MICAL2: variants seen among roughly 807,000 people sequenced by gnomAD.
MICAL2 encodes [F-actin]-monooxygenase MICAL2.
In MICAL2, 77 loss-of-function variants were observed where a neutral mutation model predicts 127.3. The observed-to-expected ratio is 0.60, with a 90% CI of 0.50 to 0.73. MICAL2 has a LOEUF of 0.73. Among genes scored for constraint, MICAL2 ranks in the 30% least tolerant of loss-of-function variants. The pLI is 0.00. For synonymous variants in MICAL2, 570 were observed against 551.1 expected, an observed-to-expected ratio of 1.03 and a Z score of -0.48; for missense variants, 1,351 against 1,434.4, an observed-to-expected ratio of 0.94 and a Z score of 0.94.
chr11:12,178,960 G>T (rs1255515935), intron 3 of MICAL2, among the ~76,000 whole-genome samples: 3 of 152,046 alleles, frequency 2.0e-5, no homozygotes, highest in African/African-American at 4.8e-5. Flanking sequence ...GTCCCACTTT[G>T]GTTCAGGGAC....
intron 29 of MICAL2, among the ~76,000 whole-genome samples, chr11:12,319,447 C>CTT (rs10660240): frequency 0.31 from 45,327 of 146,966 alleles, 7,983 homozygotes; most frequent in African/African-American, 0.49. Context: ...TTGGTTTTTT[C>CTT]TTTTTTTTTT....
intron 3 of MICAL2, among the ~76,000 whole-genome samples, chr11:12,167,278 C>T (rs1036229481): frequency 9.9e-5 from 15 of 152,252 alleles, no homozygotes; most frequent in East Asian, 1.9e-4. Flanking sequence ...AAAACTCTTG[C>T]GTTATCTTTT....
intron 29 of MICAL2, among the ~76,000 whole-genome samples, chr11:12,307,781 G>A (rs1291066074): frequency 6.6e-6 from 1 of 151,446 alleles, no homozygotes; most frequent in African/African-American, 2.4e-5. Context: ...ATATGTGTAG[G>A]TCTATCTCTG....
rs531047355 is a variant in MICAL2, at chr11:12,218,128, G to A, written c.948+1809G>A. 3.3e-5 allele frequency among the ~76,000 whole-genome samples: 5 copies of A among 152,320 alleles called. No individual in the cohort carries two copies. The South Asian group carries it at 1.0e-3, about 32-fold the overall frequency. On this transcript the variant is annotated intron_variant, in intron 8 of 27. Coordinates refer to ENST00000683283, the MANE Select transcript of MICAL2 (RefSeq NM_001282663.2). ...TTTTCCTGCTTCCCCATTGATTCCA[G>A]CTGATCTCTGGGCTTCTTTCCATGG...
chr11:12,225,122 C>T (rs773372451), intron 13 of MICAL2, among the ~76,000 whole-genome samples: 1 of 150,884 alleles, frequency 6.6e-6, no homozygotes, highest in Non-Finnish European at 1.5e-5. Flanking sequence ...TGAGCATTCA[C>T]ACCTTGGAGC....
intron 21 of MICAL2, among the ~76,000 whole-genome samples, chr11:12,245,812 G>C (rs1156564986): frequency 6.6e-6 from 1 of 152,218 alleles, no homozygotes; most frequent in Non-Finnish European, 1.5e-5. Context: ...TTTTTGCCCA[G>C]TTAGGGAAAG....
chr11:12,186,209 C>T (rs542654077), intron 3 of MICAL2, among the ~76,000 whole-genome samples: 5 of 152,168 alleles, frequency 3.3e-5, no homozygotes, highest in Admixed American at 6.5e-5. Context: ...ATCTTGCCTA[C>T]GCAGGAATAG....
At chr11:12,354,274 C>G (rs898933380) in intron 33 of MICAL2, among the ~76,000 whole-genome samples, 4 of 152,136 alleles carry the variant, frequency 2.6e-5, no homozygotes, top group Admixed American at 2.0e-4. Context: ...GTCAGGAGTT[C>G]GAGACCAGCC....
chr11:12,201,873 C>G (rs764393699), intron 3 of MICAL2, among the ~76,000 whole-genome samples: 1 of 152,212 alleles, frequency 6.6e-6, no homozygotes, highest in South Asian at 2.1e-4. Context: ...AATCCCAGCA[C>G]TCTGGGAGGC....
downstream of MICAL2, chr11:12,294,131 A>C: frequency 6.2e-7 from 1 of 1,613,900 alleles, no homozygotes; most frequent in Non-Finnish European, 8.5e-7. Flanking sequence ...GCTGCTCCCT[A>C]GGGCAGCAGG....
intron 29 of MICAL2, among the ~76,000 whole-genome samples, chr11:12,313,093 G>A (rs554662946): frequency 4.0e-5 from 6 of 149,176 alleles, no homozygotes; most frequent in Admixed American, 6.8e-5. Context: ...GCGTGAACCG[G>A]AGAGGCGGAG....
At chr11:12,235,663 G>T (rs1858946752) in intron 15 of MICAL2, among the ~76,000 whole-genome samples, 2 of 152,166 alleles carry the variant, frequency 1.3e-5, no homozygotes, top group Admixed American at 1.3e-4. Context: ...CAGCTCATTT[G>T]AGCCCTGAGA....
intron 32 of MICAL2, among the ~76,000 whole-genome samples, chr11:12,338,305 T>G (rs1349556906): frequency 6.6e-6 from 1 of 152,252 alleles, no homozygotes; most frequent in African/African-American, 2.4e-5. Context: ...TCCATTTTCT[T>G]GGTAGATCTT....
chr11:12,149,101 A>C (rs1198606169), intron 2 of MICAL2, among the ~76,000 whole-genome samples: 1 of 152,184 alleles, frequency 6.6e-6, no homozygotes, highest in Admixed American at 6.5e-5. Context: ...CCTAAAGACC[A>C]CTGGGCTTTC....
intron 32 of MICAL2, among the ~76,000 whole-genome samples, chr11:12,339,520 A>G (rs891108432): frequency 1.3e-5 from 2 of 151,976 alleles, no homozygotes; most frequent in African/African-American, 4.8e-5. Context: ...GAGGAAAGGC[A>G]CTCTGATTTT....
At chr11:12,145,840 G>T (rs772449156) in intron 2 of MICAL2, among the ~76,000 whole-genome samples, 2 of 152,194 alleles carry the variant, frequency 1.3e-5, no homozygotes, top group African/African-American at 2.4e-5. Flanking sequence ...AATGAAAGGT[G>T]TGCACAAGCA....
At chr11:12,172,049 C>T (rs1488719626) in intron 3 of MICAL2, among the ~76,000 whole-genome samples, 5 of 152,146 alleles carry the variant, frequency 3.3e-5, no homozygotes, top group African/African-American at 9.7e-5. Context: ...ATGTGGCTAG[C>T]GGCTGTCAAA....
chr11:12,280,862 C>G (rs370061417), intron 1 of MICAL2: 10 of 398,326 alleles, frequency 2.5e-5, no homozygotes, highest in African/African-American at 2.1e-4. Context: ...CTGGGCAGGA[C>G]GCAGTGTGGG....
At chr11:12,288,058 C>A (rs926906620), downstream of MICAL2, among the ~76,000 whole-genome samples, 2 of 152,216 alleles carry the variant, frequency 1.3e-5, no homozygotes, top group Non-Finnish European at 2.9e-5. Flanking sequence ...GTGAGTCATT[C>A]CCCCACCATC....
Sources: allele counts gnomAD v4.1 joint callset (sites outside exome capture counted in the v4.1 genomes callset), GRCh38; gene constraint gnomAD v4.1.1; transcripts MANE v1.5; gene names NCBI Gene and HGNC (gene_info 2026-07-23, HGNC 2026-07-21).